The following KCNQ1 variants were observed in gnomAD, a reference collection of about 807,000 sequenced individuals.
KCNQ1 encodes the protein potassium voltage-gated channel subfamily Q member 1.
KCNQ1 carries 49 observed loss-of-function variants against 72.4 expected under a neutral mutation model. The ratio of observed to expected loss-of-function variants is 0.68; its 90% CI spans 0.54 to 0.86. KCNQ1 has a LOEUF of 0.86. KCNQ1 is among the 40% of genes least tolerant of loss of function. The pLI is 0.00. For synonymous variants in KCNQ1, 450 were observed against 412.6 expected, an observed-to-expected ratio of 1.09 and a Z score of -1.10; for missense variants, 790 against 945.1, an observed-to-expected ratio of 0.84 and a Z score of 2.15.
rs148944644 is a variant in KCNQ1, at chr11:2,634,033, A to G, written c.1394-27928A>G. 2,206 of 398,374 alleles carry G rather than the reference A, an allele frequency of 5.5e-3. 10 individuals carry two copies. The highest frequency in any genetic ancestry group is 8.8e-3 in the Middle Eastern group (14 of 1,586). The allele number at this position is 398,374 out of a possible 1,614,324, so 24.7% of individuals were successfully genotyped here. A position where few individuals can be genotyped will look rare whatever the true frequency, so the allele number is the denominator to read the frequency against. ...CAGGCAGTGTAGTGCCTCCAGCTTC[A>G]TTCTGCCTGCTCAGTATTGTTTGTC... On this transcript the variant is annotated intron_variant, in intron 10 of 15. Transcript: ENST00000155840.
intron 11 of KCNQ1, among the ~76,000 whole-genome samples, chr11:2,709,528 C>T (rs1025528637): frequency 6.6e-6 from 1 of 152,032 alleles, no homozygotes; most frequent in Admixed American, 6.5e-5. Context: ...GTGTACGATT[C>T]AACGGTTTTT....
At chr11:2,696,723 T>G in intron 11 of KCNQ1, 1 of 398,632 alleles carries the variant, frequency 2.5e-6, no homozygotes, top group Non-Finnish European at 4.4e-6. Context: ...AAGATCTCCC[T>G]CTATATCCTC....
At chr11:2,501,630 A>G (rs1847010786) in intron 1 of KCNQ1, among the ~76,000 whole-genome samples, 1 of 150,210 alleles carries the variant, frequency 6.7e-6, no homozygotes, top group South Asian at 2.1e-4. Context: ...TTCTGAAACT[A>G]TTATGAAAAA....
At chr11:2,807,460 G>A (rs1384489132) in intron 15 of KCNQ1, among the ~76,000 whole-genome samples, 3 of 152,180 alleles carry the variant, frequency 2.0e-5, no homozygotes, top group Non-Finnish European at 4.4e-5. Context: ...CCCCCACTCC[G>A]GGCCCGGGGC....
At chr11:2,686,340 C>G (rs1850489520) in intron 11 of KCNQ1, 1 of 398,608 alleles carries the variant, frequency 2.5e-6, no homozygotes, top group South Asian at 1.3e-4. Context: ...CTGTTCCAAG[C>G]TGGGGGAGGA....
Position 2,572,885 on chromosome 11 carries a change from A to G in KCNQ1, c.820A>G (p.Ile274Val), listed in dbSNP as rs199472728. The change falls in exon 6 of 16, where the codon ATC becomes GTC. Residue 274 changes from isoleucine to valine, a missense_variant. By Grantham distance (29) the Ile-to-Val change is conservative (BLOSUM62 3). This residue lies in a region of KCNQ1 where 133 missense variants were observed against 219.5 expected (regional missense o/e 0.61). Coordinates refer to ENST00000155840, the MANE Select transcript of KCNQ1 (RefSeq NM_000218.3). ...CCTGTACATCGGCTTCCTGGGCCTCATCTTCTCCTCGTACTTTGTGTACCT... is the reference window on the plus strand; with the variant it reads ...CCTGTACATCGGCTTCCTGGGCCTCGTCTTCTCCTCGTACTTTGTGTACCT... ...TTLYIGFLGL[I>V]FSSYFVYLAE... The G allele has an allele frequency of 2.0e-4, 321 of 1,613,666 alleles. No individual in the cohort carries two copies. Among genetic ancestry groups the G allele is most frequent in the Non-Finnish European group, 2.3e-4 (272 of 1,180,022 alleles).
At position 2,734,528 on chromosome 11, in the gene KCNQ1, G is replaced by C. The variant is rs1229395939; in HGVS notation, c.1515-34316G>C. ...AGGGTAGGACGGGCCCCTTGGCTGA[G>C]AGCCAGATGTGGGGAGCGGGGCTGT... On this transcript the variant is annotated intron_variant, in intron 11 of 15. Transcript: ENST00000155840. This position sits in a 1 kb window ranked among gnomAD's most constrained non-coding sequence, Gnocchi z 7.0. 6.6e-6 allele frequency among the ~76,000 whole-genome samples: 1 copy of C among 152,180 alleles called. No individual in the cohort carries two copies. Among genetic ancestry groups the C allele is most frequent in the Admixed American group, 6.5e-5 (1 of 15,290 alleles).
chr11:2,472,347 T>C (rs1051262154), intron 1 of KCNQ1, among the ~76,000 whole-genome samples: 2 of 151,716 alleles, frequency 1.3e-5, no homozygotes, highest in African/African-American at 4.8e-5. Flanking sequence ...TCTGTGTGTG[T>C]TTGTGGGTGT....
chr11:2,585,383 G>T (rs946656083), intron 8 of KCNQ1, 76 bp downstream of exon 8: 10 of 1,305,186 alleles, frequency 7.7e-6, no homozygotes, highest in South Asian at 1.2e-5. Flanking sequence ...ACGGCCACCT[G>T]TCAGAACCAT....
At chr11:2,738,096 G>T (rs1845988962) in intron 11 of KCNQ1, among the ~76,000 whole-genome samples, 1 of 152,160 alleles carries the variant, frequency 6.6e-6, no homozygotes, top group Admixed American at 6.5e-5. Flanking sequence ...TGGGCCTGTG[G>T]TCAGGGCAGG....
rs1218137686 is a variant in KCNQ1, at chr11:2,642,352, AT to A, written c.1394-19603del. 12 of 397,880 alleles carry A rather than the reference AT, an allele frequency of 3.0e-5. No homozygotes were observed. In the Admixed American group the frequency reaches 4.8e-4, roughly 16 times the overall value. The allele number at this position is 397,880 out of a possible 1,614,324, so 24.6% of individuals were successfully genotyped here. A position where few individuals can be genotyped will look rare whatever the true frequency, so the allele number is the denominator to read the frequency against. ...CCTCTTTGGTTAAACTCATTCCTAG[AT>A]TTTTTGTAGTGGTTGTAAAAGATAA... On this transcript the variant is annotated intron_variant, in intron 10 of 15. Transcript: ENST00000155840. This position sits in a 1 kb window ranked among gnomAD's most constrained non-coding sequence, Gnocchi z 4.3.
chr11:2,614,611 C>T (rs1039864684), intron 10 of KCNQ1: 2 of 398,370 alleles, frequency 5.0e-6, no homozygotes, highest in Non-Finnish European at 8.9e-6. Flanking sequence ...ATCCAGTTGC[C>T]CCAGCACCAT....
In KCNQ1 at chr11:2,623,060, T is replaced by G. The variant is rs2133806617; in HGVS notation, c.1393+34206T>G. 2.5e-6 allele frequency: 1 copy of G among 398,660 alleles called. No individual in the cohort carries two copies. Among genetic ancestry groups the G allele is most frequent in the East Asian group, 3.6e-5 (1 of 28,086 alleles). The allele number at this position is 398,660 out of a possible 1,614,324, so 24.7% of individuals were successfully genotyped here. A position where few individuals can be genotyped will look rare whatever the true frequency, so the allele number is the denominator to read the frequency against. On this transcript the variant is annotated intron_variant, in intron 10 of 15. Transcript: ENST00000155840. This position sits in a 1 kb window ranked among gnomAD's most constrained non-coding sequence, Gnocchi z 5.2. ...CCTGGTGGGGGGCAAACTTCCCCCT[T>G]GCTGTTCTCATGATAGTGAGTTCTC...
chr11:2,719,281 G>A (rs1255898287), intron 11 of KCNQ1, among the ~76,000 whole-genome samples: 1 of 149,308 alleles, frequency 6.7e-6, no homozygotes, highest in Non-Finnish European at 1.5e-5. Context: ...ACTTTGGGAG[G>A]CCAGGCGTTA....
At position 2,527,919 on chromosome 11, in the gene KCNQ1, G is replaced by C. The variant is rs751000500; in HGVS notation, c.387-9G>C. The C allele has an allele frequency of 3.1e-6, 5 of 1,613,564 alleles. No homozygotes were observed. The African/African-American group carries it at 5.3e-5, about 17-fold the overall frequency. ...CCGTGATGCTGACTGCCGTGTCCCTGTCTTGCAGCTTCCTCATCGTCCTGG... is the reference window on the plus strand; with the variant it reads ...CCGTGATGCTGACTGCCGTGTCCCTCTCTTGCAGCTTCCTCATCGTCCTGG... On this transcript the variant is annotated splice_polypyrimidine_tract_variant and intron_variant, in intron 1 of 15. Coordinates refer to ENST00000155840, the MANE Select transcript of KCNQ1 (RefSeq NM_000218.3).
intron 10 of KCNQ1, chr11:2,619,175 C>A (rs1331837384): frequency 2.5e-6 from 1 of 398,220 alleles, no homozygotes; most frequent in Non-Finnish European, 4.4e-6. Context: ...ATTTCTTTTT[C>A]TTGTCTGTTT....
rs1322812746 is a variant in KCNQ1, at chr11:2,651,006, A to G, written c.1394-10955A>G. On this transcript the variant is annotated intron_variant, in intron 10 of 15. Transcript: ENST00000155840. The surrounding 1 kb of genome is among the most constrained non-coding windows in gnomAD (Gnocchi z 6.1). ...CAACTCTCTGGATTTGCCCACACCTAGTCTCTCCAGCTATCTCCCTGGTTA... is the reference window on the plus strand; with the variant it reads ...CAACTCTCTGGATTTGCCCACACCTGGTCTCTCCAGCTATCTCCCTGGTTA... 11 of 398,532 alleles carry G rather than the reference A, an allele frequency of 2.8e-5. No individual in the cohort carries two copies. The highest frequency in any genetic ancestry group is 4.4e-5 in the Non-Finnish European group (10 of 226,118). 24.7% of individuals were successfully genotyped at this position (398,532 alleles called of 1,614,324 possible). A position where few individuals can be genotyped will look rare whatever the true frequency, so the allele number is the denominator to read the frequency against.
In KCNQ1 at chr11:2,842,099, G is replaced by A. The variant is rs113317471; in HGVS notation, c.1795-5668G>A. Among the ~76,000 whole-genome samples, 12 of 152,286 alleles carry A rather than the reference G, an allele frequency of 7.9e-5. No individual in the cohort carries two copies. In the South Asian group the frequency reaches 2.5e-3, roughly 32 times the overall value. On this transcript the variant is annotated intron_variant, in intron 15 of 15. Transcript: ENST00000155840. ...CTGCTCGGCAGACAACAGACACCAG[G>A]GACAGAGACAAGGTTGAGGATTTGG...
intron 6 of KCNQ1, among the ~76,000 whole-genome samples, chr11:2,575,980 G>A (rs1036882195): frequency 6.6e-5 from 10 of 152,232 alleles, no homozygotes; most frequent in African/African-American, 1.4e-4. Flanking sequence ...GACTCCAGGC[G>A]TGCCCGGTGT....
Sources: gnomAD v4.1 joint callset for allele counts (sites outside exome capture counted in the v4.1 genomes callset) on GRCh38, gnomAD v4.1.1 for gene constraint, gnomAD v4.1.1 regional missense constraint, Gnocchi (gnomAD v3.1) non-coding constraint, MANE v1.5 for transcripts, NCBI Gene and HGNC (gene_info 2026-07-23, HGNC 2026-07-21) for gene names.